Variants in KIF6 observed in about 807,000 individuals in gnomAD.
KIF6 encodes kinesin family member 6, also known as kinesin-like protein KIF6.
KIF6 carries 106 observed loss-of-function variants against 112.7 expected under a neutral mutation model. The ratio of observed to expected loss-of-function variants is 0.94; its 90% CI spans 0.80 to 1.11. KIF6 has a LOEUF of 1.11. KIF6 is among the 50% of genes least tolerant of loss of function. The pLI is 0.00. For missense variants in KIF6, 929 were observed against 964.0 expected, an observed-to-expected ratio of 0.96 and a Z score of 0.48; for synonymous variants, 339 against 339.9, an observed-to-expected ratio of 1.00 and a Z score of 0.03.
intron 15 of KIF6, among the ~76,000 whole-genome samples, chr6:39,400,754 T>A (rs1768640802): frequency 6.6e-6 from 1 of 152,178 alleles, no homozygotes; most frequent in South Asian, 2.1e-4. Flanking sequence ...TTCTCCACGG[T>A]GATATTTGTA....
chr6:39,499,576 G>T (rs1775993133), intron 13 of KIF6, among the ~76,000 whole-genome samples: 2 of 152,080 alleles, frequency 1.3e-5, no homozygotes, highest in East Asian at 3.9e-4. Flanking sequence ...AACTCTGTAA[G>T]TAGTTCCTTC....
chr6:39,654,286 C>T (rs1369422863), intron 3 of KIF6, among the ~76,000 whole-genome samples: 1 of 152,142 alleles, frequency 6.6e-6, no homozygotes, highest in Non-Finnish European at 1.5e-5. Flanking sequence ...CCTCTCTCCA[C>T]TCTCAGCCTC....
rs916606182 is a variant in KIF6, at chr6:39,676,865, A to G, written c.252-37108T>C. 2.0e-5 allele frequency among the ~76,000 whole-genome samples: 3 copies of G among 152,112 alleles called. No homozygotes were observed. The East Asian group carries it at 5.8e-4, about 29-fold the overall frequency. On this transcript the variant is annotated intron_variant, in intron 3 of 22. Transcript: ENST00000287152. Reference sequence around the variant, plus strand: ...GAAAAAGGCACAGAAAAAAAGGTTAAATTGAAAAGTAAATATGATAGAAAT... The same window carrying G: ...GAAAAAGGCACAGAAAAAAAGGTTAGATTGAAAAGTAAATATGATAGAAAT...
intron 19 of KIF6, among the ~76,000 whole-genome samples, chr6:39,349,985 C>G (rs1764116463): frequency 6.6e-6 from 1 of 152,116 alleles, no homozygotes; most frequent in Non-Finnish European, 1.5e-5. Context: ...AGAGTTAAAG[C>G]ATCTCATTCC....
intron 13 of KIF6, among the ~76,000 whole-genome samples, chr6:39,536,066 G>A (rs1354159526): frequency 6.6e-5 from 10 of 151,916 alleles, no homozygotes; most frequent in African/African-American, 2.4e-4. Flanking sequence ...TCAAAGCAGT[G>A]TGTAGAGGGA....
Position 39,603,273 on chromosome 6 carries a change from C to T in KIF6, c.640-7013G>A, listed in dbSNP as rs191532261. Among the ~76,000 whole-genome samples the T allele has an allele frequency of 4.6e-5, 7 of 152,192 alleles. No homozygotes were observed. In the East Asian group the frequency reaches 5.8e-4, roughly 13 times the overall value. On this transcript the variant is annotated intron_variant, in intron 6 of 22. Coordinates refer to ENST00000287152, the MANE Select transcript of KIF6 (RefSeq NM_145027.6). ...GAAGGGGCTTGGAGCAGCAATGTGA[C>T]TGTGGAGGCAGGGGTTGATGCTGCT... is the stretch of plus-strand genomic sequence containing the variant.
At chr6:39,524,999 C>A (rs374619528) in intron 13 of KIF6, among the ~76,000 whole-genome samples, 2 of 152,266 alleles carry the variant, frequency 1.3e-5, no homozygotes, top group South Asian at 4.1e-4. Context: ...AATCTTTTAT[C>A]CTGGAGCCAA....
At position 39,331,001 on chromosome 6, in the gene KIF6, C is replaced by T. The variant is rs1017436162; in HGVS notation, c.*5531G>A. 6.6e-6 allele frequency: 1 copy of T among 152,454 alleles called. No homozygotes were observed. Among genetic ancestry groups the T allele is most frequent in the Admixed American group, 6.5e-5 (1 of 15,272 alleles). The allele number at this position is 152,454 out of a possible 1,614,324, so 9.4% of individuals were successfully genotyped here. A position where few individuals can be genotyped will look rare whatever the true frequency, so the allele number is the denominator to read the frequency against. On this transcript the variant is annotated 3_prime_UTR_variant, in exon 23 of 23. Coordinates refer to ENST00000287152, the MANE Select transcript of KIF6 (RefSeq NM_145027.6). Reference sequence around the variant, plus strand: ...CACATGGCCCAAATCCCCACAAGTCCCCTTTTTGCCAAGCTCCACGTCCTT... The same window carrying T: ...CACATGGCCCAAATCCCCACAAGTCTCCTTTTTGCCAAGCTCCACGTCCTT...
chr6:39,386,126 ATAGT>A (rs1256006468), intron 15 of KIF6, among the ~76,000 whole-genome samples: 2 of 152,196 alleles, frequency 1.3e-5, no homozygotes, highest in East Asian at 3.8e-4. Flanking sequence ...AATAACCCTA[ATAGT>A]TGGTCATTTG....
chr6:39,524,224 G>T (rs1777576796), intron 13 of KIF6, among the ~76,000 whole-genome samples: 1 of 151,966 alleles, frequency 6.6e-6, no homozygotes, highest in South Asian at 2.1e-4. Flanking sequence ...TCCCTGACAG[G>T]GCTTGTGCTC....
At chr6:39,553,137 G>A (rs1272797876) in intron 10 of KIF6, among the ~76,000 whole-genome samples, 4 of 152,128 alleles carry the variant, frequency 2.6e-5, no homozygotes, top group African/African-American at 4.8e-5. Context: ...TACATTATAT[G>A]CTCCCCTAGC....
At chr6:39,583,362 C>T (rs866171575) in intron 9 of KIF6, 1 of 470,544 alleles carries the variant, frequency 2.1e-6, no homozygotes, top group East Asian at 6.9e-5. Context: ...GCTGTCTCCT[C>T]TCTCCAGCAG....
chr6:39,716,471 T>A (rs1229963850), intron 2 of KIF6, among the ~76,000 whole-genome samples: 1 of 152,176 alleles, frequency 6.6e-6, no homozygotes, highest in East Asian at 1.9e-4. Flanking sequence ...AAGCATCAAA[T>A]GTCATCATCC....
chr6:39,680,854 G>T (rs1175426294), intron 3 of KIF6, among the ~76,000 whole-genome samples: 1 of 152,128 alleles, frequency 6.6e-6, no homozygotes, highest in Non-Finnish European at 1.5e-5. Flanking sequence ...GTAAAATAGG[G>T]AATAGAAGAA....
intron 22 of KIF6, among the ~76,000 whole-genome samples, chr6:39,337,155 TTTTCTTTCTTTCCTTCCTTCTTTC>T (rs1762996973): frequency 1.9e-5 from 1 of 53,674 alleles, no homozygotes; most frequent in South Asian, 4.7e-4. Flanking sequence ...TTTCTCTTTC[TTTTCTTTCTTTCCTTCCTTCTTTC>T]TTTCTTTCTT....
chr6:39,534,810 G>A (rs757153194), intron 13 of KIF6, among the ~76,000 whole-genome samples: 3 of 152,304 alleles, frequency 2.0e-5, no homozygotes, highest in East Asian at 1.9e-4. Context: ...GGCAGCCAGG[G>A]AGAAAGGTTG....
chr6:39,527,166 C>A (rs931317695), intron 13 of KIF6, among the ~76,000 whole-genome samples: 1 of 152,144 alleles, frequency 6.6e-6, no homozygotes, highest in Non-Finnish European at 1.5e-5. Context: ...AGGTTTGAAG[C>A]AGCAGCCTAG....
intron 20 of KIF6, among the ~76,000 whole-genome samples, chr6:39,346,092 CCTCTCCCT>C (rs1763737757): frequency 2.1e-5 from 1 of 48,104 alleles, no homozygotes; most frequent in Non-Finnish European, 3.8e-5. Flanking sequence ...CTCTCCCCCC[CCTCTCCCT>C]CCCCCCCTCC....
At chr6:39,510,289 T>A (rs1776696407) in intron 13 of KIF6, among the ~76,000 whole-genome samples, 2 of 151,960 alleles carry the variant, frequency 1.3e-5, no homozygotes, top group Non-Finnish European at 2.9e-5. Flanking sequence ...AGATGGGGTT[T>A]CACCGTGGTA....
Sources: gnomAD v4.1 joint callset for allele counts (sites outside exome capture counted in the v4.1 genomes callset) on GRCh38, gnomAD v4.1.1 for gene constraint, MANE v1.5 for transcripts, NCBI Gene and HGNC (gene_info 2026-07-23, HGNC 2026-07-21) for gene names.